The following GALNT16 variants were observed in gnomAD, a reference collection of about 807,000 sequenced individuals.
The protein encoded by GALNT16 is UDP-GalNAc:polypeptide N-acetylgalactosaminyltransferase-like protein 1.
A neutral mutation model predicts 76.1 loss-of-function variants in GALNT16; 40 were observed. The ratio of observed to expected loss-of-function variants is 0.53; its 90% CI spans 0.41 to 0.68. The LOEUF (loss-of-function observed/expected upper bound fraction) is 0.68, where lower values mean the gene tolerates loss of function less well. GALNT16 is among the 30% of genes least tolerant of loss of function. The pLI, the probability that GALNT16 is intolerant of heterozygous loss-of-function variation, is 0.00. For synonymous variants in GALNT16, 276 were observed against 285.2 expected (o/e 0.97, Z 0.32); for missense variants, 621 against 731.9 (o/e 0.85, Z 1.75).
At chr14:69,340,961 T>C (rs2045478307) in intron 11 of GALNT16, among the ~76,000 whole-genome samples, 3 of 152,252 alleles carry the variant, frequency 2.0e-5, no homozygotes, top group Non-Finnish European at 4.4e-5. Flanking sequence ...TGATGATCAA[T>C]GAATCTTCTC....
the GALNT16 span, among the ~76,000 whole-genome samples, chr14:69,378,914 C>T: frequency 2.0e-5 from 3 of 152,106 alleles, no homozygotes; most frequent in Admixed American, 6.5e-5. Context: ...GGATCTATTT[C>T]TTTTTGTGTG....
At chr14:69,288,753 A>G (rs7143324) in intron 1 of GALNT16, among the ~76,000 whole-genome samples, 84,467 of 152,092 alleles carry the variant, frequency 0.56, 24,396 homozygotes, top group East Asian at 0.93. Flanking sequence ...CAGCATCAGA[A>G]ACTTCAAAAC....
At chr14:69,307,455 T>C (rs953518705) in intron 1 of GALNT16, among the ~76,000 whole-genome samples, 54 of 152,228 alleles carry the variant, frequency 3.5e-4, no homozygotes, top group Non-Finnish European at 1.0e-4. Flanking sequence ...GCTCATTTGA[T>C]ATTTGAGGTG....
intron 1 of GALNT16, among the ~76,000 whole-genome samples, chr14:69,270,533 C>T (rs2140103534): frequency 6.6e-6 from 1 of 152,308 alleles, no homozygotes; most frequent in South Asian, 2.1e-4. Context: ...CTGCCTGTAG[C>T]TTCTTTAAAC....
At chr14:69,324,257 G>A (rs143729511) in intron 2 of GALNT16, among the ~76,000 whole-genome samples, 1 of 152,210 alleles carries the variant, frequency 6.6e-6, no homozygotes, top group East Asian at 1.9e-4. Context: ...TCTACCAAAT[G>A]TCCTGAGCTG....
chr14:69,320,786 C>T lies in GALNT16; in HGVS notation c.253C>T (p.Pro85Ser). ...CAAGCAGCTGAAGGCTGGAGAGGAC[C>T]CCTACAGACAGCACGCCTTCAACCA... ...SAKQLKAGED[P>S]YRQHAFNQLE... Residue 85 changes from proline (P) to serine (S), a missense_variant, in exon 2 of 15, where the codon CCC (proline) becomes TCC (serine). By Grantham distance (74) the Pro-to-Ser change is moderately conservative. Transcript: ENST00000448469. The T allele has an allele frequency of 6.2e-7, 1 of 1,614,160 alleles. No homozygotes were observed. Among genetic ancestry groups the T allele is most frequent in the Admixed American group, 1.7e-5 (1 of 60,024 alleles).
At chr14:69,274,170 A>T (rs116244423) in intron 1 of GALNT16, among the ~76,000 whole-genome samples, 5 of 152,118 alleles carry the variant, frequency 3.3e-5, no homozygotes, top group Admixed American at 6.5e-5. Context: ...GTTAATTCAC[A>T]TCAAGAGTTT....
At chr14:69,312,087 A>G (rs2045033667) in intron 1 of GALNT16, among the ~76,000 whole-genome samples, 2 of 150,960 alleles carry the variant, frequency 1.3e-5, no homozygotes, top group Admixed American at 1.3e-4. Flanking sequence ...CTATCTATCT[A>G]TCTATCTATC....
At chr14:69,262,872 T>C (rs2044294458) in intron 1 of GALNT16, among the ~76,000 whole-genome samples, 1 of 104,118 alleles carries the variant, frequency 9.6e-6, no homozygotes, top group Non-Finnish European at 1.7e-5. Flanking sequence ...CACAGCAAGA[T>C]TTCTTTTTTT....
chr14:69,378,544 C>T, the GALNT16 span, among the ~76,000 whole-genome samples: 1 of 149,628 alleles, frequency 6.7e-6, no homozygotes, highest in Non-Finnish European at 1.5e-5. Flanking sequence ...CTACTTTAGG[C>T]TCTTTTTCTG....
chr14:69,331,116 C>T (rs976868495), intron 6 of GALNT16, among the ~76,000 whole-genome samples: 2 of 152,218 alleles, frequency 1.3e-5, no homozygotes, highest in Admixed American at 1.3e-4. Flanking sequence ...CAGGAATCAT[C>T]TAGGCTGTCA....
chr14:69,355,856 A>G (rs1188201410), downstream of GALNT16: 4 of 152,244 alleles, frequency 2.6e-5, no homozygotes, highest in Non-Finnish European at 5.9e-5. Flanking sequence ...GGCTGTCTCC[A>G]TCTGCAGTTG....
chr14:69,360,756 G>A (rs555939042), downstream of GALNT16, among the ~76,000 whole-genome samples: 1 of 152,366 alleles, frequency 6.6e-6, no homozygotes, highest in East Asian at 1.9e-4. Flanking sequence ...CAGAAACTCT[G>A]GGGGTGGGGC....
intron 1 of GALNT16, among the ~76,000 whole-genome samples, 179 bp from the exon 2 acceptor site, chr14:69,320,532 T>C (rs912935670): frequency 1.3e-5 from 2 of 151,438 alleles, no homozygotes; most frequent in African/African-American, 4.9e-5. Context: ...AAAGAAACCC[T>C]CTTGAGCCTC....
chr14:69,348,165 T>G (rs2045591912), intron 14 of GALNT16, 163 bp downstream of exon 14: 2 of 653,610 alleles, frequency 3.1e-6, no homozygotes, highest in Admixed American at 5.3e-5. Context: ...AAGCCAATTA[T>G]TCTGCCCATG....
downstream of GALNT16, chr14:69,355,771 G>C (rs1436742167): frequency 6.6e-6 from 1 of 152,246 alleles, no homozygotes; most frequent in Non-Finnish European, 1.5e-5. Context: ...GCAGGGAGCT[G>C]TTCCTGAGGA....
At chr14:69,287,121 T>C (rs999273472) in intron 1 of GALNT16, among the ~76,000 whole-genome samples, 5 of 152,224 alleles carry the variant, frequency 3.3e-5, no homozygotes, top group African/African-American at 1.2e-4. Flanking sequence ...CACCATGGTT[T>C]GTGACTCTGC....
At chr14:69,386,154 C>T in the GALNT16 span, among the ~76,000 whole-genome samples, 2 of 152,166 alleles carry the variant, frequency 1.3e-5, no homozygotes, top group Non-Finnish European at 2.9e-5. Flanking sequence ...AAACAAAACT[C>T]AAACATCCCA....
At chr14:69,375,799 AAT>A in the GALNT16 span, among the ~76,000 whole-genome samples, 1 of 152,102 alleles carries the variant, frequency 6.6e-6, no homozygotes, top group Non-Finnish European at 1.5e-5. Flanking sequence ...ACATCTGGCT[AAT>A]GTTTAAATTT....
Sources: allele counts gnomAD v4.1 joint callset (sites outside exome capture counted in the v4.1 genomes callset), GRCh38; gene constraint gnomAD v4.1.1; transcripts MANE v1.5; gene names NCBI Gene and HGNC (gene_info 2026-07-23, HGNC 2026-07-21).